Variants in BLM observed in about 807,000 individuals in gnomAD.
BLM encodes BLM RecQ like helicase, also known as recQ-like DNA helicase BLM.
Under a neutral mutation model 135.3 loss-of-function variants are expected in BLM, and 95 were observed. The ratio of observed to expected loss-of-function variants is 0.70; its 90% CI spans 0.59 to 0.83. The LOEUF (loss-of-function observed/expected upper bound fraction) is 0.83, where lower values mean the gene tolerates loss of function less well. Ranked by LOEUF, BLM falls within the 40% of genes least tolerant of loss-of-function variation. The pLI, the probability that BLM is intolerant of heterozygous loss-of-function variation, is 0.00. For synonymous variants in BLM, 520 were observed against 589.2 expected, an observed-to-expected ratio of 0.88 and a Z score of 1.70; for missense variants, 1,518 against 1,663.9, an observed-to-expected ratio of 0.91 and a Z score of 1.53.
intron 8 of BLM, among the ~76,000 whole-genome samples, chr15:90,764,233 A>G (rs936583901): frequency 4.0e-5 from 6 of 148,406 alleles, no homozygotes; most frequent in Admixed American, 6.8e-5. Context: ...AGAGAGAGAT[A>G]TATATAATAT....
At chr15:90,788,488 T>G (rs1398440068) in intron 14 of BLM, among the ~76,000 whole-genome samples, 3 of 150,252 alleles carry the variant, frequency 2.0e-5, no homozygotes, top group South Asian at 4.2e-4. Flanking sequence ...TTTTTTTTTT[T>G]TTTTTTGGTT....
chr15:90,734,120 C>T (rs1895138384), intron 1 of BLM, among the ~76,000 whole-genome samples: 1 of 152,002 alleles, frequency 6.6e-6, no homozygotes. Context: ...AGATGTATAC[C>T]AGGAATGCAA....
At chr15:90,735,973 A>AT (rs1596205800) in intron 1 of BLM, among the ~76,000 whole-genome samples, 1 of 152,240 alleles carries the variant, frequency 6.6e-6, no homozygotes, top group Non-Finnish European at 1.5e-5. Flanking sequence ...AGCAGATACA[A>AT]TTTTTTAAAA....
intron 19 of BLM, among the ~76,000 whole-genome samples, chr15:90,804,897 C>T (rs1165055857): frequency 6.6e-6 from 1 of 152,150 alleles, no homozygotes; most frequent in Non-Finnish European, 1.5e-5. Flanking sequence ...AGTGCAGTGG[C>T]GCGATCTCAG....
chr15:90,756,561 A>G (rs753251958), intron 5 of BLM, among the ~76,000 whole-genome samples: 5 of 152,214 alleles, frequency 3.3e-5, no homozygotes, highest in Non-Finnish European at 5.9e-5. Context: ...CAACTGCATT[A>G]TACTGTCTCT....
At position 90,792,406 on chromosome 15, in the gene BLM, G is replaced by A. The variant is rs532380306; in HGVS notation, c.3019+1562G>A. Among the ~76,000 whole-genome samples, 13 of 151,528 alleles carry A rather than the reference G, an allele frequency of 8.6e-5. No homozygotes were observed. In the East Asian group the frequency reaches 2.3e-3, roughly 27 times the overall value. ...CAGGCGTGAGCCACTATGCCCAGCC[G>A]AGACCACTTTTAAATTAACTCTGGC... On this transcript the variant is annotated intron_variant, in intron 15 of 21. Transcript: ENST00000355112.
rs557473128 is a variant in BLM, at chr15:90,777,592, A to G, written c.2556-5230A>G. 1.1e-4 allele frequency among the ~76,000 whole-genome samples: 16 copies of G among 152,024 alleles called. No individual in the cohort carries two copies. The South Asian group carries it at 3.3e-3, about 31-fold the overall frequency. Reference sequence around the variant, plus strand: ...AAGACATGAGTTTGACACCCCAAACAGGATAATATTTACCATTTTAATGGT... The same window carrying G: ...AAGACATGAGTTTGACACCCCAAACGGGATAATATTTACCATTTTAATGGT... On this transcript the variant is annotated intron_variant, in intron 12 of 21. Transcript: ENST00000355112.
Position 90,782,813 on chromosome 15 carries a change from C to G in BLM, c.2556-9C>G. On this transcript the variant is annotated splice_polypyrimidine_tract_variant and intron_variant, in intron 12 of 21. Transcript: ENST00000355112. ...TAATAACTAAATTTTATGTTTGGGACTTTTTTAGGTTTAGCATGAGCTTTA... is the reference window on the plus strand; with the variant it reads ...TAATAACTAAATTTTATGTTTGGGAGTTTTTTAGGTTTAGCATGAGCTTTA... 1.3e-6 allele frequency: 2 copies of G among 1,593,214 alleles called. No homozygotes were observed. Among genetic ancestry groups the G allele is most frequent in the Non-Finnish European group, 1.7e-6 (2 of 1,161,238 alleles).
rs1343434653 is a variant in BLM at position 90,754,820 on chromosome 15, G to A, written c.969G>A (p.Lys323=). 1 of 1,613,712 alleles carries A rather than the reference G, an allele frequency of 6.2e-7. No individual in the cohort carries two copies. Among genetic ancestry groups the A allele is most frequent in the African/African-American group, 1.3e-5 (1 of 75,018 alleles). Residue 323 remains lysine (K), a synonymous_variant, in exon 5 of 22, where the codon AAG becomes AAA. Coordinates refer to ENST00000355112, the MANE Select transcript of BLM (RefSeq NM_000057.4). ...SSSSKCLSTL[K]DLDTSDRKED... The stretch of plus-strand genomic sequence containing the variant: ...TTTTTTTTATTTGCAGTACGTTAAA[G>A]GACCTTGACACCTCTGACAGAAAAG...
At chr15:90,750,852 C>T (rs1390152750) in intron 3 of BLM, among the ~76,000 whole-genome samples, 2 of 152,148 alleles carry the variant, frequency 1.3e-5, no homozygotes, top group Non-Finnish European at 1.5e-5. Flanking sequence ...TAGTACTTAT[C>T]GGGTTTGATA....
At chr15:90,768,740 T>C (rs977873994) in intron 10 of BLM, among the ~76,000 whole-genome samples, 8 of 152,214 alleles carry the variant, frequency 5.3e-5, no homozygotes, top group East Asian at 3.8e-4. Flanking sequence ...GTTTTTGTTT[T>C]TTCGAGACCG....
chr15:90,749,337 A>G lies in BLM; in HGVS notation c.99-30A>G, dbSNP rs771267359. 6 of 1,532,374 alleles carry G rather than the reference A, an allele frequency of 3.9e-6. No homozygotes were observed. The South Asian group carries it at 5.7e-5, about 15-fold the overall frequency. 94.9% of individuals were successfully genotyped at this position (1,532,374 alleles called of 1,614,324 possible). A position where few individuals can be genotyped will look rare whatever the true frequency, so the allele number is the denominator to read the frequency against. On this transcript the variant is annotated intron_variant, in intron 2 of 21. Coordinates refer to ENST00000355112, the MANE Select transcript of BLM (RefSeq NM_000057.4). Reference sequence around the variant, plus strand: ...TTGGGGGGTTTCTTAAAATGGATCCATCTAATCTAGTTTTTCCATTATTTT... The same window carrying G: ...TTGGGGGGTTTCTTAAAATGGATCCGTCTAATCTAGTTTTTCCATTATTTT...
At chr15:90,743,329 A>G (rs1193415839) in intron 1 of BLM, among the ~76,000 whole-genome samples, 2 of 152,194 alleles carry the variant, frequency 1.3e-5, no homozygotes, top group Non-Finnish European at 2.9e-5. Flanking sequence ...TCATATATGT[A>G]GGAGAAAATT....
rs28384990 is a variant in BLM, at chr15:90,751,641, A to T, written c.800-146A>T. 8.3e-4 allele frequency: 552 copies of T among 662,304 alleles called. 5 individuals carry two copies. The African/African-American group carries it at 8.7e-3, about 10-fold the overall frequency. The allele number at this position is 662,304 out of a possible 1,614,324, so 41.0% of individuals were successfully genotyped here. ...ATCATTTATGAATAAATAAGCCAGC[A>T]TTAGCATGTAAAGGGAGAGGATCCA... On this transcript the variant is annotated intron_variant, in intron 3 of 21. Transcript: ENST00000355112.
intron 9 of BLM, among the ~76,000 whole-genome samples, chr15:90,765,858 A>G (rs1896111072): frequency 6.6e-6 from 1 of 152,222 alleles, no homozygotes; most frequent in Admixed American, 6.5e-5. Flanking sequence ...CATGCCTGTA[A>G]TCCCAGTGAC....
At position 90,742,234 on chromosome 15, in the gene BLM, A is replaced by T. The variant is rs540272823; in HGVS notation, c.-4-5155A>T. Among the ~76,000 whole-genome samples, 193 of 149,626 alleles carry T rather than the reference A, an allele frequency of 1.3e-3. 1 individual carries two copies. Among genetic ancestry groups the T allele is most frequent in the Admixed American group, 0.012 (181 of 15,216 alleles). ...AAAAGTAGATTTTTTGATCGTTCTTAGTTAGGCTCACCACCTTTGCCCCAG... is the reference window on the plus strand; with the variant it reads ...AAAAGTAGATTTTTTGATCGTTCTTTGTTAGGCTCACCACCTTTGCCCCAG... On this transcript the variant is annotated intron_variant, in intron 1 of 21. Transcript: ENST00000355112.
At chr15:90,740,768 C>T (rs867499173) in intron 1 of BLM, among the ~76,000 whole-genome samples, 1 of 152,080 alleles carries the variant, frequency 6.6e-6, no homozygotes, top group Non-Finnish European at 1.5e-5. Flanking sequence ...GAATAAGTCT[C>T]ACGAGAGCTG....
At chr15:90,755,011 T>A in intron 5 of BLM, 73 bp downstream of exon 5, 6 of 1,567,922 alleles carry the variant, frequency 3.8e-6, no homozygotes, top group Non-Finnish European at 5.2e-6. Context: ...ACAAAGATTG[T>A]GTTTTGAACC....
At position 90,799,414 on chromosome 15, in the gene BLM, G is replaced by A. The variant is rs28385122; in HGVS notation, c.3358+1077G>A. Among the ~76,000 whole-genome samples the A allele has an allele frequency of 6.1e-3, 931 of 151,926 alleles. 33 individuals carry two copies. The highest frequency in any genetic ancestry group is 0.057 in the Admixed American group (872 of 15,262). Reference sequence around the variant, plus strand: ...TTTAGTGGAGAGGTTGGAAAATAAAGTCAAGAAAATTTAGGAACTGATCAA... The same window carrying A: ...TTTAGTGGAGAGGTTGGAAAATAAAATCAAGAAAATTTAGGAACTGATCAA... On this transcript the variant is annotated intron_variant, in intron 17 of 21. Coordinates refer to ENST00000355112, the MANE Select transcript of BLM (RefSeq NM_000057.4).
Sources: gnomAD v4.1 joint callset for allele counts (sites outside exome capture counted in the v4.1 genomes callset) on GRCh38, gnomAD v4.1.1 for gene constraint, MANE v1.5 for transcripts, NCBI Gene and HGNC (gene_info 2026-07-23, HGNC 2026-07-21) for gene names.